Variants in SYNPO2 observed in about 807,000 individuals in gnomAD.
SYNPO2 encodes the protein synaptopodin-2.
A neutral mutation model predicts 85.0 loss-of-function variants in SYNPO2; 56 were observed. That is an observed-to-expected ratio of 0.66 (90% CI 0.53 to 0.82). The LOEUF is 0.82. Among genes scored for constraint, SYNPO2 ranks in the 40% least tolerant of loss-of-function variants. The probability of loss-of-function intolerance (pLI) is 0.00; values close to 1 mark genes in which losing one functional copy is unlikely to be tolerated. For synonymous variants in SYNPO2, 602 were observed against 591.1 expected (o/e 1.02, Z -0.27); for missense variants, 1,575 against 1,534.2 (o/e 1.03, Z -0.44).
chr4:118,929,355 G>C (rs1733842243), intron 1 of SYNPO2, among the ~76,000 whole-genome samples: 1 of 152,092 alleles, frequency 6.6e-6, no homozygotes, highest in African/African-American at 2.4e-5. Flanking sequence ...GAGTAACTGA[G>C]TTGTATGTAT....
Position 119,060,445 on chromosome 4 carries a change from A to C in SYNPO2, c.*2511A>C, listed in dbSNP as rs1739376304. On this transcript the variant is annotated 3_prime_UTR_variant, in exon 5 of 5. Coordinates refer to ENST00000307142, the MANE Select transcript of SYNPO2 (RefSeq NM_133477.3). ...CCATTGTTAAATCATCCTAAAGTGT[A>C]CTGTGGGTATTCTCCAGCATACTTG... is the stretch of plus-strand genomic sequence containing the variant. 6.9e-6 allele frequency: 1 copy of C among 144,890 alleles called. No individual in the cohort carries two copies. Among genetic ancestry groups the C allele is most frequent in the Admixed American group, 6.7e-5 (1 of 14,856 alleles). 9.0% of individuals were successfully genotyped at this position (144,890 alleles called of 1,614,324 possible). A position where few individuals can be genotyped will look rare whatever the true frequency, so the allele number is the denominator to read the frequency against.
chr4:118,905,667 G>C (rs1439834079), intron 1 of SYNPO2, among the ~76,000 whole-genome samples: 2 of 151,996 alleles, frequency 1.3e-5, no homozygotes, highest in Non-Finnish European at 2.9e-5. Context: ...TCCTTTCATT[G>C]TACTTATCCT....
At chr4:119,035,756 C>G in intron 4 of SYNPO2, 1 of 979,262 alleles carries the variant, frequency 1.0e-6, no homozygotes, top group Non-Finnish European at 1.2e-6. Flanking sequence ...CATTGTAGGA[C>G]AGCTGAGAAT....
chr4:118,908,771 T>A (rs542898711), intron 1 of SYNPO2, among the ~76,000 whole-genome samples: 1 of 152,318 alleles, frequency 6.6e-6, no homozygotes, highest in Admixed American at 6.5e-5. Flanking sequence ...ACTAAGGTTA[T>A]AGGGTCCGTT....
At chr4:118,987,002 C>G (rs1975841) in intron 1 of SYNPO2, among the ~76,000 whole-genome samples, 76,606 of 151,968 alleles carry the variant, frequency 0.5, 19,485 homozygotes, top group South Asian at 0.69. Flanking sequence ...ACTCAATAAA[C>G]CAACACAGTT....
At chr4:118,995,551 G>C (rs932348282) in intron 1 of SYNPO2, among the ~76,000 whole-genome samples, 3 of 152,100 alleles carry the variant, frequency 2.0e-5, no homozygotes, top group African/African-American at 7.2e-5. Context: ...AGTGAAGGAG[G>C]AGTTATTTGA....
chr4:118,987,926 T>C (rs1736278980), intron 1 of SYNPO2, among the ~76,000 whole-genome samples: 1 of 152,230 alleles, frequency 6.6e-6, no homozygotes, highest in African/African-American at 2.4e-5. Flanking sequence ...AGAAATATTC[T>C]GTACCATGTG....
chr4:118,879,474 G>A (rs1033132235), intron 1 of SYNPO2, among the ~76,000 whole-genome samples: 2 of 152,136 alleles, frequency 1.3e-5, no homozygotes, highest in Admixed American at 6.5e-5. Context: ...TGTAAGACGA[G>A]AGACACAAGA....
chr4:119,022,752 A>ATG (rs1737785350), intron 1 of SYNPO2, among the ~76,000 whole-genome samples: 1 of 135,708 alleles, frequency 7.4e-6, no homozygotes, highest in Non-Finnish European at 1.6e-5. Context: ...GTTTTATTTT[A>ATG]TTTTATTTTA....
intron 1 of SYNPO2, among the ~76,000 whole-genome samples, chr4:118,959,000 G>A (rs1319098174): frequency 6.6e-6 from 1 of 152,132 alleles, no homozygotes; most frequent in African/African-American, 2.4e-5. Flanking sequence ...ATGACATTTT[G>A]ACCCTACATG....
In SYNPO2 at chr4:118,961,030, G is replaced by A. The variant is rs141242040; in HGVS notation, c.106-62400G>A. 6.0e-3 allele frequency among the ~76,000 whole-genome samples: 901 copies of A among 150,248 alleles called. 5 individuals are homozygous for A. Among genetic ancestry groups the A allele is most frequent in the Middle Eastern group, 0.028 (8 of 286 alleles). Reference sequence around the variant, plus strand: ...TAAGATGTTCTACTAGCTTCCTATCGCCCCTAATAATATTCAAATTTCTTA... The same window carrying A: ...TAAGATGTTCTACTAGCTTCCTATCACCCCTAATAATATTCAAATTTCTTA... On this transcript the variant is annotated intron_variant, in intron 1 of 4. Transcript: ENST00000307142.
intron 1 of SYNPO2, among the ~76,000 whole-genome samples, chr4:118,874,880 A>C (rs1731874612): frequency 6.6e-6 from 1 of 152,180 alleles, no homozygotes. Context: ...TTTTTGTTTA[A>C]CTTTGGGGGT....
intron 4 of SYNPO2, among the ~76,000 whole-genome samples, chr4:119,051,482 C>T (rs866615914): frequency 1.1e-4 from 16 of 151,942 alleles, no homozygotes; most frequent in Middle Eastern, 3.4e-3. Context: ...TGAGCCACCG[C>T]GCCCGGCCGG....
At chr4:118,895,634 G>A (rs183182183) in intron 1 of SYNPO2, among the ~76,000 whole-genome samples, 2 of 152,290 alleles carry the variant, frequency 1.3e-5, no homozygotes, top group Non-Finnish European at 2.9e-5. Context: ...CTCTGGTTGA[G>A]TTTGGCCTTT....
At chr4:118,959,909 G>T in intron 1 of SYNPO2, among the ~76,000 whole-genome samples, 1 of 152,080 alleles carries the variant, frequency 6.6e-6, no homozygotes. Context: ...ATTTTATTTG[G>T]GACGGAGGCC....
At chr4:119,001,933 T>C (rs1442516449) in intron 1 of SYNPO2, among the ~76,000 whole-genome samples, 1 of 152,208 alleles carries the variant, frequency 6.6e-6, no homozygotes, top group Non-Finnish European at 1.5e-5. Context: ...TTCATTGTTA[T>C]GTCACAACGG....
chr4:118,882,549 A>G (rs1162621809), intron 1 of SYNPO2, among the ~76,000 whole-genome samples: 4 of 152,220 alleles, frequency 2.6e-5, no homozygotes. Context: ...GAAAAATAAA[A>G]TGCCTAATAT....
intron 4 of SYNPO2, among the ~76,000 whole-genome samples, chr4:119,051,192 T>TTTTTTTG (rs1739028516): frequency 7.4e-6 from 1 of 135,466 alleles, no homozygotes; most frequent in Non-Finnish European, 1.6e-5. Context: ...AGCAATTTTT[T>TTTTTTTG]TTTTTTTTTT....
intron 1 of SYNPO2, among the ~76,000 whole-genome samples, chr4:118,876,667 C>CTCTTTCTTTCTT (rs58409340): frequency 4.6e-4 from 52 of 112,168 alleles, no homozygotes; most frequent in East Asian, 1.3e-3. Context: ...TCCTTCCTTT[C>CTCTTTCTTTCTT]TCTTTCTTTC....
Sources: gnomAD v4.1 joint callset for allele counts (sites outside exome capture counted in the v4.1 genomes callset) on GRCh38, gnomAD v4.1.1 for gene constraint, MANE v1.5 for transcripts, NCBI Gene and HGNC (gene_info 2026-07-23, HGNC 2026-07-21) for gene names.